TENM3: variants seen among roughly 807,000 people sequenced by gnomAD.
The protein encoded by TENM3 is teneurin transmembrane protein 3.
Under a neutral mutation model 255.1 loss-of-function variants are expected in TENM3, and 63 were observed. That is an observed-to-expected ratio of 0.25 (90% CI 0.20 to 0.30). The LOEUF is 0.30. TENM3 is among the 10% of genes least tolerant of loss of function. The pLI, the probability that TENM3 is intolerant of heterozygous loss-of-function variation, is 1.00. For missense variants in TENM3, 2,929 were observed against 3,461.1 expected, an observed-to-expected ratio of 0.85 and a Z score of 3.86; for synonymous variants, 1,306 against 1,322.3, an observed-to-expected ratio of 0.99 and a Z score of 0.27.
In TENM3 at chr4:182,184,495, T is replaced by G. The variant is rs1753024431; in HGVS notation, c.-76+39741T>G. On this transcript the variant is annotated intron_variant, in intron 1 of 2. Transcript: ENST00000512480. ...ACTATGAAGAGATGCATGGTTGAGT[T>G]TTTTTTTTTTTTTTTTTTGAGAAAA... is the stretch of plus-strand genomic sequence containing the variant. Among the ~76,000 whole-genome samples, 3 of 302 alleles carry G rather than the reference T, an allele frequency of 9.9e-3. No homozygotes were observed. The East Asian group carries it at 0.12, about 12-fold the overall frequency. 0.2% of individuals were successfully genotyped at this position (302 alleles called of 152,430 possible).
At chr4:182,175,402 T>C (rs1228295208) in intron 1 of TENM3, among the ~76,000 whole-genome samples, 1 of 151,930 alleles carries the variant, frequency 6.6e-6, no homozygotes, top group Non-Finnish European at 1.5e-5. Context: ...TTTTGCAAGC[T>C]GTTTTTTCAG....
chr4:181,932,195 G>T, the TENM3 span, among the ~76,000 whole-genome samples: 10 of 152,192 alleles, frequency 6.6e-5, no homozygotes, highest in Non-Finnish European at 1.3e-4. Flanking sequence ...AAGAGCTTCT[G>T]CACAGCAAAA....
At chr4:182,584,505 ACT>A (rs1308742875) in intron 3 of TENM3, among the ~76,000 whole-genome samples, 2 of 152,072 alleles carry the variant, frequency 1.3e-5, no homozygotes, top group Admixed American at 6.6e-5. Flanking sequence ...TAGTCAATAC[ACT>A]CTGCATACAC....
chr4:181,698,994 T>A, the TENM3 span, among the ~76,000 whole-genome samples: 1 of 152,184 alleles, frequency 6.6e-6, no homozygotes, highest in Non-Finnish European at 1.5e-5. Flanking sequence ...TGCTGAGGAC[T>A]GTGTGTTGGA....
At chr4:181,470,127 A>ACAAAAACG in the TENM3 span, among the ~76,000 whole-genome samples, 1 of 138,958 alleles carries the variant, frequency 7.2e-6, no homozygotes, top group Non-Finnish European at 1.5e-5. Context: ...AAAAAAAAAC[A>ACAAAAACG]TTATTCAAAA....
At chr4:181,894,309 A>G in the TENM3 span, among the ~76,000 whole-genome samples, 5 of 152,194 alleles carry the variant, frequency 3.3e-5, no homozygotes, top group Admixed American at 2.6e-4. Context: ...AGGGCTAGCG[A>G]GAAAAGTAAG....
the TENM3 span, among the ~76,000 whole-genome samples, chr4:181,892,332 A>G: frequency 3.9e-5 from 6 of 152,230 alleles, no homozygotes; most frequent in Admixed American, 2.6e-4. Context: ...GTGTCATACT[A>G]TGGTTACTCT....
rs527460407 is a variant in TENM3, at chr4:182,657,050, T to G, written c.1111+3157T>G. Among the ~76,000 whole-genome samples, 3 of 152,264 alleles carry G rather than the reference T, an allele frequency of 2.0e-5. No homozygotes were observed. The South Asian group carries it at 6.2e-4, about 32-fold the overall frequency. On this transcript the variant is annotated intron_variant, in intron 6 of 27. Transcript: ENST00000511685. ...CTGGTCTCTTTCCAGAAACTAAAAT[T>G]ATTCCCCTGGCCCAAGGAATTCATT... is the stretch of plus-strand genomic sequence containing the variant.
At chr4:182,716,437 C>G (rs571413715) in intron 13 of TENM3, among the ~76,000 whole-genome samples, 1 of 152,322 alleles carries the variant, frequency 6.6e-6, no homozygotes, top group Non-Finnish European at 1.5e-5. Context: ...AGGCTCCCCT[C>G]TCGGAGGGGA....
chr4:181,565,864 T>C, the TENM3 span, among the ~76,000 whole-genome samples: 4,208 of 152,286 alleles, frequency 0.028, 172 homozygotes, highest in African/African-American at 0.093. Context: ...GAAGAATTAC[T>C]GAAACCATTA....
the TENM3 span, among the ~76,000 whole-genome samples, chr4:181,558,894 T>C: frequency 9.9e-5 from 15 of 152,218 alleles, no homozygotes; most frequent in African/African-American, 3.4e-4. Flanking sequence ...TTTGATCATT[T>C]CAAGAGCATT....
At chr4:182,599,073 C>A (rs1747562515) in intron 3 of TENM3, among the ~76,000 whole-genome samples, 2 of 152,170 alleles carry the variant, frequency 1.3e-5, no homozygotes, top group South Asian at 4.1e-4. Context: ...TCTGTTGACA[C>A]CAACCTAGTC....
intron 22 of TENM3, among the ~76,000 whole-genome samples, chr4:182,763,942 C>G (rs1268059230): frequency 6.6e-6 from 1 of 152,208 alleles, no homozygotes; most frequent in Non-Finnish European, 1.5e-5. Context: ...TCACCCCTTA[C>G]TAATTTAATA....
In TENM3 at chr4:182,684,945, C is replaced by T. The variant is rs528643829; in HGVS notation, c.2035+2931C>T. Among the ~76,000 whole-genome samples, 12 of 152,188 alleles carry T rather than the reference C, an allele frequency of 7.9e-5. No individual in the cohort carries two copies. The South Asian group carries it at 2.3e-3, about 29-fold the overall frequency. On this transcript the variant is annotated intron_variant, in intron 11 of 27. Transcript: ENST00000511685. ...ATTTTTACAAATTGCTGTTTCCTGG[C>T]CTTTTGAGAAGCTTGGGTGACATCT... is the stretch of plus-strand genomic sequence containing the variant.
chr4:182,505,753 G>A (rs74623134), intron 3 of TENM3, among the ~76,000 whole-genome samples: 5,981 of 152,186 alleles, frequency 0.039, 226 homozygotes, highest in East Asian at 0.11. Context: ...ACCACACCCG[G>A]CCTGCTTTTC....
intron 7 of TENM3, among the ~76,000 whole-genome samples, chr4:182,678,607 T>G (rs968914131): frequency 1.3e-5 from 2 of 152,210 alleles, no homozygotes; most frequent in African/African-American, 4.8e-5. Flanking sequence ...ACCCCACCAT[T>G]ACCAGATGTC....
chr4:181,456,974 C>T, the TENM3 span, among the ~76,000 whole-genome samples: 3 of 151,788 alleles, frequency 2.0e-5, no homozygotes. Flanking sequence ...AGATTGAACA[C>T]TCAGTAGAGA....
chr4:182,525,388 A>T (rs1739050655), intron 3 of TENM3, among the ~76,000 whole-genome samples: 1 of 152,246 alleles, frequency 6.6e-6, no homozygotes, highest in African/African-American at 2.4e-5. Context: ...ACAGATTAGG[A>T]TCCAGAGACT....
the TENM3 span, among the ~76,000 whole-genome samples, chr4:181,902,187 C>A: frequency 4.8e-4 from 69 of 144,008 alleles, no homozygotes; most frequent in East Asian, 8.2e-4. Flanking sequence ...TTAAAAGAGC[C>A]AAAAAAAAAA....
Sources: allele counts gnomAD v4.1 joint callset (sites outside exome capture counted in the v4.1 genomes callset), GRCh38; gene constraint gnomAD v4.1.1; transcripts MANE v1.5; gene names NCBI Gene and HGNC (gene_info 2026-07-23, HGNC 2026-07-21).